Variants in DPP10 observed in about 807,000 individuals in gnomAD.
The protein encoded by DPP10 is dipeptidyl peptidase like 10.
A neutral mutation model predicts 120.9 loss-of-function variants in DPP10; 33 were observed. That is an observed-to-expected ratio of 0.27 (90% CI 0.21 to 0.37). The LOEUF (loss-of-function observed/expected upper bound fraction) is 0.37. Among genes scored for constraint, DPP10 ranks in the 10% least tolerant of loss-of-function variants. DPP10 has a pLI of 1.00. For missense variants in DPP10, 816 were observed against 942.8 expected, an observed-to-expected ratio of 0.87 and a Z score of 1.76; for synonymous variants, 337 against 326.1, an observed-to-expected ratio of 1.03 and a Z score of -0.36.
chr2:115,827,349 G>GTATATGTATATGTATA, intron 21 of DPP10, among the ~76,000 whole-genome samples: 1 of 31,538 alleles, frequency 3.2e-5, no homozygotes, highest in African/African-American at 1.0e-4. Flanking sequence ...GTATATATAT[G>GTATATGTATATGTATA]TACATATATA....
intron 1 of DPP10, among the ~76,000 whole-genome samples, chr2:114,790,922 C>T (rs562065991): frequency 3.2e-4 from 48 of 152,002 alleles, no homozygotes; most frequent in African/African-American, 1.2e-3. Context: ...AGAGGCCTGA[C>T]AATTCTCACA....
At chr2:114,727,800 C>T (rs1353424242) in intron 1 of DPP10, among the ~76,000 whole-genome samples, 1 of 152,146 alleles carries the variant, frequency 6.6e-6, no homozygotes, top group African/African-American at 2.4e-5. Context: ...CTCTGAACAG[C>T]TTTTTTGAGG....
rs952049203 is a variant in DPP10, at chr2:114,442,692, C to T, written c.-87C>T. The T allele has an allele frequency of 9.4e-5, 139 of 1,476,086 alleles. No homozygotes were observed. Among genetic ancestry groups the T allele is most frequent in the Non-Finnish European group, 1.3e-4 (135 of 1,065,428 alleles). The allele number at this position is 1,476,086 out of a possible 1,614,324, so 91.4% of individuals were successfully genotyped here. On this transcript the variant is annotated 5_prime_UTR_variant, in exon 1 of 26. Transcript: ENST00000410059. ...CAGCGGCAGCAGCAACAGCAGCAGCCCCTACTGAAGTCCAATAGAGGAGAC... is the reference window on the plus strand; with the variant it reads ...CAGCGGCAGCAGCAACAGCAGCAGCTCCTACTGAAGTCCAATAGAGGAGAC...
At chr2:115,569,740 T>C (rs1394234913) in intron 5 of DPP10, among the ~76,000 whole-genome samples, 1 of 152,226 alleles carries the variant, frequency 6.6e-6, no homozygotes, top group Admixed American at 6.5e-5. Flanking sequence ...ATGTGCATAC[T>C]GCATAACATC....
intron 5 of DPP10, among the ~76,000 whole-genome samples, chr2:115,568,653 A>G (rs2081164879): frequency 6.6e-6 from 1 of 151,510 alleles, no homozygotes; most frequent in Non-Finnish European, 1.5e-5. Context: ...GTTATTCTAA[A>G]TCCCATCACT....
At chr2:115,468,811 G>GC in intron 3 of DPP10, 1 of 454,138 alleles carries the variant, frequency 2.2e-6, no homozygotes, top group Non-Finnish European at 4.3e-6. Context: ...GTGTGCAGGT[G>GC]CCCTCTGTGC....
At chr2:114,611,161 C>T (rs1693257801) in intron 1 of DPP10, among the ~76,000 whole-genome samples, 1 of 152,038 alleles carries the variant, frequency 6.6e-6, no homozygotes, top group African/African-American at 2.4e-5. Flanking sequence ...AGGCACCAAG[C>T]AGAAATGGGA....
At chr2:114,929,536 C>T (rs114692204) in intron 1 of DPP10, among the ~76,000 whole-genome samples, 8,468 of 152,204 alleles carry the variant, frequency 0.056, 299 homozygotes, top group East Asian at 0.12. Context: ...GATATTTCTC[C>T]TATTTGGTTT....
intron 5 of DPP10, among the ~76,000 whole-genome samples, chr2:115,534,723 A>G (rs1157109170): frequency 6.7e-6 from 1 of 149,846 alleles, no homozygotes; most frequent in African/African-American, 2.5e-5. Flanking sequence ...TTACAGTCCC[A>G]CCAACAGTGT....
chr2:114,625,698 G>A (rs1694457905), intron 1 of DPP10, among the ~76,000 whole-genome samples: 1 of 151,948 alleles, frequency 6.6e-6, no homozygotes, highest in Non-Finnish European at 1.5e-5. Context: ...AGAAATATCT[G>A]AGAACACCAA....
At chr2:115,573,032 A>C (rs1264415884) in intron 5 of DPP10, among the ~76,000 whole-genome samples, 1 of 152,090 alleles carries the variant, frequency 6.6e-6, no homozygotes, top group Non-Finnish European at 1.5e-5. Flanking sequence ...CAAACTCCAA[A>C]CTCATGGTTC....
chr2:115,487,077 T>C (rs1480105729), intron 3 of DPP10, among the ~76,000 whole-genome samples: 1 of 152,120 alleles, frequency 6.6e-6, no homozygotes, highest in Non-Finnish European at 1.5e-5. Context: ...ATTCATTTTT[T>C]AAAACAACAG....
At chr2:115,307,076 G>C (rs2061387102) in intron 1 of DPP10, among the ~76,000 whole-genome samples, 1 of 151,988 alleles carries the variant, frequency 6.6e-6, no homozygotes, top group African/African-American at 2.4e-5. Context: ...GTGATAAAAG[G>C]ATATGTTACT....
intron 1 of DPP10, among the ~76,000 whole-genome samples, chr2:115,239,428 G>T (rs537217328): frequency 6.6e-6 from 1 of 152,234 alleles, no homozygotes; most frequent in South Asian, 2.1e-4. Flanking sequence ...ACCCTGATCA[G>T]TCAGCAGCTA....
chr2:115,681,884 A>G (rs944576136), intron 5 of DPP10, among the ~76,000 whole-genome samples: 1 of 150,468 alleles, frequency 6.6e-6, no homozygotes, highest in Admixed American at 6.7e-5. Context: ...ACAAGCTAAG[A>G]TTTGATCCTA....
chr2:114,886,565 C>G (rs1247936463), intron 1 of DPP10, among the ~76,000 whole-genome samples: 1 of 152,118 alleles, frequency 6.6e-6, no homozygotes, highest in African/African-American at 2.4e-5. Context: ...AAAGGTTGAA[C>G]CTTTGTCTAG....
chr2:115,001,748 G>C (rs962270246), intron 1 of DPP10, among the ~76,000 whole-genome samples: 2 of 152,088 alleles, frequency 1.3e-5, no homozygotes, highest in Non-Finnish European at 2.9e-5. Context: ...CATCCAAGCT[G>C]AGAGCCAAGT....
chr2:115,116,626 T>A (rs1249741031), intron 1 of DPP10, among the ~76,000 whole-genome samples: 2 of 152,200 alleles, frequency 1.3e-5, no homozygotes, highest in Non-Finnish European at 2.9e-5. Context: ...AAAGATTCCA[T>A]AGAGAAAACC....
chr2:115,645,331 T>G (rs944158153), intron 5 of DPP10, among the ~76,000 whole-genome samples: 1 of 152,156 alleles, frequency 6.6e-6, no homozygotes, highest in African/African-American at 2.4e-5. Context: ...TCAATTTATT[T>G]AGAAGATTAG....
Sources: gnomAD v4.1 joint callset for allele counts (sites outside exome capture counted in the v4.1 genomes callset) on GRCh38, gnomAD v4.1.1 for gene constraint, MANE v1.5 for transcripts, NCBI Gene and HGNC (gene_info 2026-07-23, HGNC 2026-07-21) for gene names.